ARHGAP12: variants seen among roughly 807,000 people sequenced by gnomAD.
ARHGAP12 encodes Rho GTPase activating protein 12.
Under a neutral mutation model 108.6 loss-of-function variants are expected in ARHGAP12, and 64 were observed. The ratio of observed to expected loss-of-function variants is 0.59; its 90% CI spans 0.48 to 0.73. ARHGAP12 has a LOEUF of 0.73. Ranked by LOEUF, ARHGAP12 falls within the 30% of genes least tolerant of loss-of-function variation. ARHGAP12 has a pLI of 0.00. For missense variants in ARHGAP12, 940 were observed against 1,005.9 expected, an observed-to-expected ratio of 0.93 and a Z score of 0.89; for synonymous variants, 312 against 337.2, an observed-to-expected ratio of 0.93 and a Z score of 0.82.
At position 31,830,549 on chromosome 10, in the gene ARHGAP12, TA is replaced by T; in HGVS notation, c.1448+1189del. ...AAGGGATACATAATTGTAGTATTTA[TA>T]AAGCTATTTCAGAGCACTTAAAAAA... On this transcript the variant is annotated intron_variant, in intron 10 of 19. Transcript: ENST00000344936. 2.0e-5 allele frequency among the ~76,000 whole-genome samples: 3 copies of T among 152,154 alleles called. No individual in the cohort carries two copies. The South Asian group carries it at 6.2e-4, about 32-fold the overall frequency.
chr10:31,926,528 C>T (rs981623744), intron 1 of ARHGAP12, among the ~76,000 whole-genome samples: 5 of 152,196 alleles, frequency 3.3e-5, no homozygotes, highest in Admixed American at 2.6e-4. Context: ...TTTAATTTCA[C>T]TTTTCTCTCC....
At chr10:31,913,080 A>G (rs1233505175) in intron 1 of ARHGAP12, 1 of 152,262 alleles carries the variant, frequency 6.6e-6, no homozygotes, top group East Asian at 1.9e-4. Flanking sequence ...ACGCCAGGGC[A>G]AGTGTGAGCC....
At chr10:31,831,868 T>A in intron 9 of ARHGAP12, 68 bp from the exon 10 acceptor site, 1 of 903,448 alleles carries the variant, frequency 1.1e-6, no homozygotes, top group Non-Finnish European at 1.7e-6. Flanking sequence ...TACACATGAC[T>A]GAACCAACAT....
chr10:31,887,719 G>A (rs550360877), intron 3 of ARHGAP12, among the ~76,000 whole-genome samples: 20 of 147,766 alleles, frequency 1.4e-4, no homozygotes, highest in African/African-American at 4.0e-4. Flanking sequence ...GTGCAGTGGC[G>A]TGATCTCGCC....
intron 6 of ARHGAP12, 62 bp from the exon 7 acceptor site, chr10:31,843,648 A>G (rs1041818592): frequency 1.3e-6 from 2 of 1,490,136 alleles, no homozygotes; most frequent in Non-Finnish European, 1.8e-6. Context: ...ATGAAAGTGG[A>G]ATCTAAACAT....
chr10:31,852,729 C>CT (rs398013156), intron 5 of ARHGAP12, 132 bp from the exon 6 acceptor site: 6,754 of 229,618 alleles, frequency 0.029, 435 homozygotes, highest in African/African-American at 0.15. Context: ...ACAAAAAATT[C>CT]TTTTTTTTTT....
chr10:31,822,296 G>A (rs978900399), intron 11 of ARHGAP12, among the ~76,000 whole-genome samples: 3 of 152,144 alleles, frequency 2.0e-5, no homozygotes, highest in South Asian at 2.1e-4. Flanking sequence ...GGCCGACGAC[G>A]GACAGAGTGT....
intron 13 of ARHGAP12, among the ~76,000 whole-genome samples, chr10:31,814,666 TA>T (rs1835137098): frequency 6.6e-6 from 1 of 152,148 alleles, no homozygotes; most frequent in African/African-American, 2.4e-5. Context: ...CACTAACAGT[TA>T]AAAGGTTAAG....
chr10:31,817,916 T>C (rs755176309), intron 12 of ARHGAP12, 30 bp from the exon 13 acceptor site: 6 of 1,561,326 alleles, frequency 3.8e-6, no homozygotes, highest in Non-Finnish European at 3.5e-6. Flanking sequence ...GAAAAAAGAG[T>C]ATGGTCAGTT....
At chr10:31,854,249 T>C in intron 4 of ARHGAP12, 43 bp from the exon 5 acceptor site, 1 of 1,515,926 alleles carries the variant, frequency 6.6e-7, no homozygotes, top group East Asian at 2.4e-5. Flanking sequence ...TTTTTGAATA[T>C]AAATATGAAT....
intron 1 of ARHGAP12, among the ~76,000 whole-genome samples, chr10:31,912,108 G>T (rs909585838): frequency 2.0e-5 from 3 of 152,088 alleles, no homozygotes; most frequent in Non-Finnish European, 4.4e-5. Flanking sequence ...TTACCAGAAC[G>T]CTAGTCACTA....
chr10:31,848,514 T>A (rs954289210), intron 6 of ARHGAP12, among the ~76,000 whole-genome samples: 1 of 152,200 alleles, frequency 6.6e-6, no homozygotes, highest in South Asian at 2.1e-4. Context: ...TACATGAATA[T>A]AGAAAACTTT....
intron 3 of ARHGAP12, among the ~76,000 whole-genome samples, chr10:31,879,846 T>G (rs1378505536): frequency 1.3e-5 from 2 of 152,250 alleles, no homozygotes; most frequent in Non-Finnish European, 2.9e-5. Context: ...AAGTTCTTAA[T>G]GGTTATAGTG....
intron 3 of ARHGAP12, among the ~76,000 whole-genome samples, chr10:31,876,207 TA>T (rs1399549731): frequency 1.3e-5 from 2 of 152,060 alleles, no homozygotes; most frequent in African/African-American, 2.4e-5. Context: ...CCTATTGCTC[TA>T]AAGGTCATCA....
chr10:31,868,093 G>C (rs1365719362), intron 3 of ARHGAP12, among the ~76,000 whole-genome samples: 1 of 152,038 alleles, frequency 6.6e-6, no homozygotes, highest in Non-Finnish European at 1.5e-5. Context: ...AGCTACTTGG[G>C]AGGCTGAGAC....
At chr10:31,823,816 G>C (rs1835501947) in intron 11 of ARHGAP12, among the ~76,000 whole-genome samples, 1 of 152,176 alleles carries the variant, frequency 6.6e-6, no homozygotes, top group South Asian at 2.1e-4. Flanking sequence ...TTCAAGAGCA[G>C]TTTTCACTTG....
intron 3 of ARHGAP12, among the ~76,000 whole-genome samples, chr10:31,901,484 G>T (rs183531725): frequency 1.6e-5 from 2 of 121,498 alleles, no homozygotes; most frequent in African/African-American, 6.5e-5. Flanking sequence ...AGTGAGGCAA[G>T]ATCACATCAC....
intron 3 of ARHGAP12, among the ~76,000 whole-genome samples, chr10:31,862,697 CACACACA>C (rs1564397061): frequency 1.1e-4 from 6 of 55,604 alleles, no homozygotes; most frequent in Non-Finnish European, 1.6e-4. Context: ...GTGGCGCATG[CACACACA>C]GACACACACA....
intron 5 of ARHGAP12, among the ~76,000 whole-genome samples, chr10:31,853,055 C>G (rs2808092): frequency 2.0e-4 from 31 of 152,138 alleles, no homozygotes; most frequent in African/African-American, 7.5e-4. Context: ...ACTAATTATA[C>G]TAAAAGCCTT....
Sources: allele counts gnomAD v4.1 joint callset (sites outside exome capture counted in the v4.1 genomes callset), GRCh38; gene constraint gnomAD v4.1.1; transcripts MANE v1.5; gene names NCBI Gene and HGNC (gene_info 2026-07-23, HGNC 2026-07-21).